The following EPB41L1 variants were observed in gnomAD, a reference collection of about 807,000 sequenced individuals.
EPB41L1 encodes band 4.1-like protein 1.
Under a neutral mutation model 97.8 loss-of-function variants are expected in EPB41L1, and 29 were observed. The observed-to-expected ratio is 0.30, with a 90% CI of 0.22 to 0.40. The LOEUF is 0.40. EPB41L1 is among the 10% of genes least tolerant of loss of function. EPB41L1 has a pLI of 1.00. For synonymous variants in EPB41L1, 383 were observed against 459.2 expected (o/e 0.83, Z 2.12); for missense variants, 812 against 1,162.3 (o/e 0.70, Z 4.38).
chr20:36,147,938 T>G (rs2059903759), intron 2 of EPB41L1, among the ~76,000 whole-genome samples: 1 of 152,180 alleles, frequency 6.6e-6, no homozygotes, highest in South Asian at 2.1e-4. Flanking sequence ...CTCAGGAATG[T>G]GGCTCCCAGA....
At chr20:36,205,447 TAACATTC>T (rs2062747652) in intron 14 of EPB41L1, among the ~76,000 whole-genome samples, 1 of 152,200 alleles carries the variant, frequency 6.6e-6, no homozygotes, top group South Asian at 2.1e-4. Context: ...CTTTTGACTC[TAACATTC>T]AAAGACTCCA....
rs2062884929 is a variant in EPB41L1 at position 36,207,437 on chromosome 20, C to T, written c.1669-2051C>T. 1 of 1,289,646 alleles carries T rather than the reference C, an allele frequency of 7.8e-7. No homozygotes were observed. The highest frequency in any genetic ancestry group is 2.3e-5 in the Admixed American group (1 of 43,532). The allele number at this position is 1,289,646 out of a possible 1,614,324, so 79.9% of individuals were successfully genotyped here. A position where few individuals can be genotyped will look rare whatever the true frequency, so the allele number is the denominator to read the frequency against. On this transcript the variant is annotated intron_variant, in intron 14 of 21. Transcript: ENST00000338074. The surrounding 1 kb of genome is among the most constrained non-coding windows in gnomAD (Gnocchi z 4.9). The stretch of plus-strand genomic sequence containing the variant: ...GGCTCCCTAGAAGATATTAGCAAGA[C>T]CTCAGTGGCCAACAAAATTCGGATA...
At chr20:36,127,863 G>T (rs1289537915) in intron 2 of EPB41L1, among the ~76,000 whole-genome samples, 1 of 152,134 alleles carries the variant, frequency 6.6e-6, no homozygotes, top group Non-Finnish European at 1.5e-5. Context: ...GTTGTAACCA[G>T]CCTTGAGCAT....
At chr20:36,122,918 G>C (rs983514610) in intron 2 of EPB41L1, among the ~76,000 whole-genome samples, 3 of 152,094 alleles carry the variant, frequency 2.0e-5, no homozygotes, top group Non-Finnish European at 4.4e-5. Flanking sequence ...ACTGCCACAG[G>C]TTCCACCTGG....
intron 1 of EPB41L1, among the ~76,000 whole-genome samples, chr20:36,159,944 T>C (rs1051155228): frequency 3.9e-5 from 6 of 152,190 alleles, no homozygotes; most frequent in Admixed American, 2.0e-4. Context: ...GTCATCAAGA[T>C]TGAATAAGTT....
rs2062377081 is a variant in EPB41L1 at position 36,199,447 on chromosome 20, A to C, written c.1668+1406A>C. Among the ~76,000 whole-genome samples, 3 of 152,358 alleles carry C rather than the reference A, an allele frequency of 2.0e-5. No individual in the cohort carries two copies. The South Asian group carries it at 6.2e-4, about 32-fold the overall frequency. ...AAATTGGTGATGCACCCATGATCTA[A>C]TTAGCAGAGCATTTTATTGGATCAG... is the stretch of plus-strand genomic sequence containing the variant. On this transcript the variant is annotated intron_variant, in intron 14 of 21. Transcript: ENST00000338074.
At chr20:36,218,807 A>ATCCTGGGC in intron 17 of EPB41L1, 69 bp from the exon 18 acceptor site, 1 of 1,436,032 alleles carries the variant, frequency 7.0e-7, no homozygotes, top group Non-Finnish European at 9.8e-7. Context: ...CTACATGGCC[A>ATCCTGGGC]CATGCTCCGC....
intron 9 of EPB41L1, 21 bp downstream of exon 9, chr20:36,188,520 ACTC>A (rs1569252653): frequency 1.9e-6 from 3 of 1,589,256 alleles, no homozygotes; most frequent in Admixed American, 1.7e-5. Flanking sequence ...CTTGGGAAAC[ACTC>A]CTCCTCACCG....
At chr20:36,136,204 T>C (rs1438116431) in intron 2 of EPB41L1, among the ~76,000 whole-genome samples, 2 of 152,144 alleles carry the variant, frequency 1.3e-5, no homozygotes, top group Admixed American at 6.6e-5. Context: ...AGGGTCTCTC[T>C]CTGTTGCCCA....
intron 1 of EPB41L1, among the ~76,000 whole-genome samples, chr20:36,111,751 C>T (rs1306255361): frequency 1.4e-5 from 2 of 144,168 alleles, no homozygotes; most frequent in Non-Finnish European, 3.0e-5. Flanking sequence ...CGCACCATTG[C>T]ACTCCAGCCT....
chr20:36,219,883 T>C (rs1254373919), intron 19 of EPB41L1, 39 bp downstream of exon 19: 1 of 1,566,036 alleles, frequency 6.4e-7, no homozygotes, highest in East Asian at 2.2e-5. Flanking sequence ...CCAGCCGAGC[T>C]GCAGGCGAGA....
rs939572320 is a variant in EPB41L1, at chr20:36,209,206, G to A, written c.1669-282G>A. On this transcript the variant is annotated intron_variant, in intron 14 of 21. Coordinates refer to ENST00000338074, the MANE Select transcript of EPB41L1 (RefSeq NM_012156.2). The surrounding 1 kb of genome is among the most constrained non-coding windows in gnomAD (Gnocchi z 4.2). ...CCAATACCCTTGGATGGAGCCTCCT[G>A]TCCAGGAGTCACTGGCAGGACGTTT... 4.6e-5 allele frequency among the ~76,000 whole-genome samples: 7 copies of A among 152,148 alleles called. No homozygotes were observed.
intron 1 of EPB41L1, among the ~76,000 whole-genome samples, chr20:36,159,289 C>T (rs1307160527): frequency 6.6e-6 from 1 of 152,174 alleles, no homozygotes; most frequent in Non-Finnish European, 1.5e-5. Context: ...AGAGCTTCCT[C>T]TATAATAGCA....
At chr20:36,172,800 C>T (rs1416644867) in intron 1 of EPB41L1, among the ~76,000 whole-genome samples, 1 of 152,162 alleles carries the variant, frequency 6.6e-6, no homozygotes, top group Admixed American at 6.5e-5. Context: ...GGGGTTTCAC[C>T]ATGTTGGCCA....
At chr20:36,185,625 A>G (rs1321436827) in intron 7 of EPB41L1, among the ~76,000 whole-genome samples, 1 of 152,218 alleles carries the variant, frequency 6.6e-6, no homozygotes, top group East Asian at 1.9e-4. Context: ...ACTGGAGAAA[A>G]TAATCGCTAC....
intron 8 of EPB41L1, 61 bp downstream of exon 8, chr20:36,187,824 C>T: frequency 6.7e-7 from 1 of 1,481,704 alleles, no homozygotes; most frequent in Non-Finnish European, 9.4e-7. Flanking sequence ...AACTATCAGG[C>T]CTTTCCCTAG....
At chr20:36,144,636 AG>A (rs1473092768) in intron 2 of EPB41L1, among the ~76,000 whole-genome samples, 1 of 152,172 alleles carries the variant, frequency 6.6e-6, no homozygotes, top group South Asian at 2.1e-4. Flanking sequence ...CGGGTCCTGG[AG>A]GACAGGAAAT....
In EPB41L1 at chr20:36,219,853, C is replaced by T. The variant is rs767638925; in HGVS notation, c.2439+9C>T. 1 of 1,613,630 alleles carries T rather than the reference C, an allele frequency of 6.2e-7. No homozygotes were observed. Among genetic ancestry groups the T allele is most frequent in the African/African-American group, 1.3e-5 (1 of 75,062 alleles). ...CCACCCATGTCACCAAAGTGAGTAG[C>T]AGCAGGGCGCCCCATGCCCCCAGCC... On this transcript the variant is annotated intron_variant, in intron 19 of 21. Coordinates refer to ENST00000338074, the MANE Select transcript of EPB41L1 (RefSeq NM_012156.2).
chr20:36,116,809 C>T (rs2058599051), intron 2 of EPB41L1, among the ~76,000 whole-genome samples: 1 of 152,158 alleles, frequency 6.6e-6, no homozygotes, highest in Non-Finnish European at 1.5e-5. Flanking sequence ...TGGGCTCTGT[C>T]CCTAAAGTGC....
Sources: allele counts gnomAD v4.1 joint callset (sites outside exome capture counted in the v4.1 genomes callset), GRCh38; gene constraint gnomAD v4.1.1; non-coding constraint Gnocchi (gnomAD v3.1); transcripts MANE v1.5; gene names NCBI Gene and HGNC (gene_info 2026-07-23, HGNC 2026-07-21).